Variants in PEBP4 observed in about 807,000 individuals in gnomAD.
The protein encoded by PEBP4 is phosphatidylethanolamine-binding protein 4.
PEBP4 carries 22 observed loss-of-function variants against 23.9 expected under a neutral mutation model. The observed-to-expected ratio is 0.92, with a 90% CI of 0.66 to 1.31. The LOEUF (loss-of-function observed/expected upper bound fraction) is 1.31, where lower values mean the gene tolerates loss of function less well. Among genes scored for constraint, PEBP4 ranks in the 40% most tolerant of loss-of-function variants. The pLI is 0.00. For missense variants in PEBP4, 324 were observed against 281.7 expected (o/e 1.15, Z -1.07); for synonymous variants, 112 against 99.3 (o/e 1.13, Z -0.76).
chr8:22,902,956 T>C (rs1364210683), intron 3 of PEBP4, among the ~76,000 whole-genome samples: 1 of 151,892 alleles, frequency 6.6e-6, no homozygotes, highest in Non-Finnish European at 1.5e-5. Flanking sequence ...GGGGTGGAGG[T>C]GAGCGTTGAA....
chr8:22,724,161 T>C (rs139724145), intron 6 of PEBP4, among the ~76,000 whole-genome samples: 44 of 151,914 alleles, frequency 2.9e-4, no homozygotes, highest in African/African-American at 7.5e-4. Flanking sequence ...GGTGGGGGAG[T>C]CGGGGGCATG....
At chr8:22,724,097 A>G (rs928657615) in intron 6 of PEBP4, among the ~76,000 whole-genome samples, 3 of 152,162 alleles carry the variant, frequency 2.0e-5, no homozygotes, top group African/African-American at 7.2e-5. Context: ...CTGAGAGTGC[A>G]GGGGTGGCTT....
intron 3 of PEBP4, among the ~76,000 whole-genome samples, chr8:22,830,557 G>A (rs1807065601): frequency 6.6e-6 from 1 of 152,088 alleles, no homozygotes; most frequent in Non-Finnish European, 1.5e-5. Flanking sequence ...TATGTCCAAT[G>A]ACCCACTTTC....
chr8:22,717,446 GTCCTGATGTATTTCCA>G (rs67396856), intron 6 of PEBP4, among the ~76,000 whole-genome samples: 59,124 of 151,802 alleles, frequency 0.39, 12,117 homozygotes, highest in African/African-American at 0.51. Context: ...CAGTATTTCC[GTCCTGATGTATTTCCA>G]TCCTGATGTA....
chr8:22,826,568 G>GT (rs760445050), intron 3 of PEBP4, among the ~76,000 whole-genome samples: 1 of 152,152 alleles, frequency 6.6e-6, no homozygotes, highest in Non-Finnish European at 1.5e-5. Flanking sequence ...GGAAAACTTC[G>GT]TAACTGTAAA....
chr8:22,715,429 C>T (rs917131234), intron 6 of PEBP4, among the ~76,000 whole-genome samples: 4 of 152,208 alleles, frequency 2.6e-5, no homozygotes, highest in South Asian at 2.1e-4. Context: ...CGTGTGTGTG[C>T]GCACGCGCAC....
intron 3 of PEBP4, among the ~76,000 whole-genome samples, chr8:22,910,480 T>C (rs1808916147): frequency 6.6e-6 from 1 of 152,234 alleles, no homozygotes; most frequent in Non-Finnish European, 1.5e-5. Context: ...GTGAGAACCC[T>C]GAAGGTAATA....
chr8:22,869,991 G>A (rs80163649), intron 3 of PEBP4, among the ~76,000 whole-genome samples: 14,738 of 152,234 alleles, frequency 0.097, 946 homozygotes, highest in Middle Eastern at 0.17. Flanking sequence ...TTCAAAGACA[G>A]TTTGGCAGTT....
chr8:22,813,637 A>C (rs936525220), intron 4 of PEBP4, among the ~76,000 whole-genome samples: 18 of 152,252 alleles, frequency 1.2e-4, no homozygotes, highest in African/African-American at 3.6e-4. Flanking sequence ...AGTTAGATGG[A>C]GTCAGAACTG....
In PEBP4 at chr8:22,715,413, G is replaced by T. The variant is rs573958065; in HGVS notation, c.518-1877C>A. Among the ~76,000 whole-genome samples, 607 of 125,712 alleles carry T rather than the reference G, an allele frequency of 4.8e-3. 2 individuals are homozygous for T. Among genetic ancestry groups the T allele is most frequent in the African/African-American group, 0.016 (579 of 36,042 alleles). 82.5% of individuals were successfully genotyped at this position (125,712 alleles called of 152,430 possible). A position where few individuals can be genotyped will look rare whatever the true frequency, so the allele number is the denominator to read the frequency against. On this transcript the variant is annotated intron_variant, in intron 6 of 6. Transcript: ENST00000256404. ...GTGTGCACACACATGTGTATGTGTGGGTGCACGTGTGTGTGCGCACGCGCA... is the reference window on the plus strand; with the variant it reads ...GTGTGCACACACATGTGTATGTGTGTGTGCACGTGTGTGTGCGCACGCGCA...
chr8:22,914,646 C>T (rs1809032038), intron 3 of PEBP4, among the ~76,000 whole-genome samples: 1 of 152,180 alleles, frequency 6.6e-6, no homozygotes, highest in Non-Finnish European at 1.5e-5. Flanking sequence ...GTAAACCTGT[C>T]CTCCTCTCAG....
At chr8:22,927,080 A>G (rs1809353230) in intron 2 of PEBP4, among the ~76,000 whole-genome samples, 1 of 152,146 alleles carries the variant, frequency 6.6e-6, no homozygotes, top group South Asian at 2.1e-4. Flanking sequence ...CAGCCTCGTC[A>G]CCCAACTCCA....
At chr8:22,880,901 G>A (rs1053662225) in intron 3 of PEBP4, among the ~76,000 whole-genome samples, 5 of 152,194 alleles carry the variant, frequency 3.3e-5, no homozygotes, top group Non-Finnish European at 2.9e-5. Context: ...GGGGAAGCAC[G>A]GGGCCAGGGC....
chr8:22,834,411 C>G (rs920237701), intron 3 of PEBP4, among the ~76,000 whole-genome samples: 2 of 152,230 alleles, frequency 1.3e-5, no homozygotes, highest in Admixed American at 6.5e-5. Context: ...AGCAGCCAGG[C>G]TGGTGTCCAC....
chr8:22,756,034 TA>T (rs532444558), intron 4 of PEBP4: 2 of 152,248 alleles, frequency 1.3e-5, no homozygotes, highest in Non-Finnish European at 2.9e-5. Context: ...TTATTGATAA[TA>T]ATCATTATAA....
chr8:22,773,615 C>T (rs890743412), intron 4 of PEBP4, among the ~76,000 whole-genome samples: 6 of 152,148 alleles, frequency 3.9e-5, no homozygotes. Flanking sequence ...CAAAGTCATC[C>T]GCAGGCCTTC....
rs1051360206 is a variant in PEBP4, at chr8:22,775,773, C to T, written c.357+41864G>A. 8.5e-5 allele frequency among the ~76,000 whole-genome samples: 13 copies of T among 152,104 alleles called. No individual in the cohort carries two copies. The highest frequency in any genetic ancestry group is 2.7e-4 in the African/African-American group (11 of 41,504). ...GGCTCGAGGAGACAGACAGAGGAAGCGAGAGAGAGGTTGGGGAGGCGGGTT... is the reference window on the plus strand; with the variant it reads ...GGCTCGAGGAGACAGACAGAGGAAGTGAGAGAGAGGTTGGGGAGGCGGGTT... On this transcript the variant is annotated intron_variant, in intron 4 of 6. Coordinates refer to ENST00000256404, the MANE Select transcript of PEBP4 (RefSeq NM_144962.3). This position sits in a 1 kb window ranked among gnomAD's most constrained non-coding sequence, Gnocchi z 4.8.
chr8:22,845,586 T>C (rs1302983533), intron 3 of PEBP4, among the ~76,000 whole-genome samples: 1 of 152,176 alleles, frequency 6.6e-6, no homozygotes. Context: ...CAGAGCCTCC[T>C]CTGATCTTGC....
intron 1 of PEBP4, among the ~76,000 whole-genome samples, chr8:22,937,965 T>C (rs1471144451): frequency 6.6e-6 from 1 of 152,176 alleles, no homozygotes; most frequent in East Asian, 1.9e-4. Context: ...ATGTAAGAGC[T>C]GAAACCACAA....
Sources: gnomAD v4.1 joint callset for allele counts (sites outside exome capture counted in the v4.1 genomes callset) on GRCh38, gnomAD v4.1.1 for gene constraint, Gnocchi (gnomAD v3.1) non-coding constraint, MANE v1.5 for transcripts, NCBI Gene and HGNC (gene_info 2026-07-23, HGNC 2026-07-21) for gene names.